Variants in KCNIP4 observed in about 807,000 individuals in gnomAD.
KCNIP4 encodes potassium voltage-gated channel interacting protein 4, also known as Kv channel-interacting protein 4.
In KCNIP4, 12 loss-of-function variants were observed where a neutral mutation model predicts 34.0. The observed-to-expected ratio is 0.35, with a 90% CI of 0.23 to 0.57. The LOEUF is 0.57. Ranked by LOEUF, KCNIP4 falls within the 20% of genes least tolerant of loss-of-function variation. The pLI is 0.83. For synonymous variants in KCNIP4, 124 were observed against 102.2 expected (o/e 1.21, Z -1.29); for missense variants, 238 against 311.7 (o/e 0.76, Z 1.78).
chr4:21,792,059 ACT>A (rs1291935700), intron 1 of KCNIP4, among the ~76,000 whole-genome samples: 1 of 142,326 alleles, frequency 7.0e-6, no homozygotes, highest in Non-Finnish European at 1.5e-5. Context: ...TCATCCCTAC[ACT>A]CTCTCTGTTT....
chr4:21,225,172 A>C (rs1192193363), intron 1 of KCNIP4, among the ~76,000 whole-genome samples: 3 of 152,184 alleles, frequency 2.0e-5, no homozygotes, highest in African/African-American at 7.2e-5. Context: ...ATTGAGGAGC[A>C]TCTGTATTTA....
At chr4:20,753,307 A>T (rs539065320) in intron 4 of KCNIP4, among the ~76,000 whole-genome samples, 2 of 151,732 alleles carry the variant, frequency 1.3e-5, no homozygotes, top group East Asian at 3.9e-4. Flanking sequence ...AGTAGAAAAA[A>T]CCCCTAGGAT....
At chr4:21,396,839 T>C (rs1296675090) in intron 1 of KCNIP4, among the ~76,000 whole-genome samples, 3 of 152,274 alleles carry the variant, frequency 2.0e-5, no homozygotes, top group Non-Finnish European at 4.4e-5. Flanking sequence ...GATTCTCTCT[T>C]AGAGATTCCA....
chr4:20,748,558 TTTTATATATATATATA>T (rs1456920170), intron 5 of KCNIP4, among the ~76,000 whole-genome samples: 6,336 of 118,466 alleles, frequency 0.053, 212 homozygotes, highest in East Asian at 0.11. Context: ...ACCTTCCAAA[TTTTATATATATATATA>T]TATATATATA....
intron 1 of KCNIP4, among the ~76,000 whole-genome samples, chr4:21,830,660 C>A (rs1722929247): frequency 6.6e-6 from 1 of 152,008 alleles, no homozygotes. Context: ...GGTGACAGAG[C>A]AAGACTCAGT....
intron 1 of KCNIP4, among the ~76,000 whole-genome samples, chr4:21,019,227 C>T (rs1421491502): frequency 1.3e-5 from 2 of 151,924 alleles, no homozygotes; most frequent in African/African-American, 4.8e-5. Flanking sequence ...GTGATCTTGG[C>T]TCAATGCAAC....
intron 1 of KCNIP4, among the ~76,000 whole-genome samples, chr4:20,900,208 A>G (rs992019791): frequency 6.6e-6 from 1 of 152,206 alleles, no homozygotes; most frequent in Non-Finnish European, 1.5e-5. Flanking sequence ...TAGGAAACCC[A>G]AGACCACCTA....
intron 1 of KCNIP4, among the ~76,000 whole-genome samples, chr4:21,120,484 G>A (rs2109132749): frequency 6.6e-6 from 1 of 152,318 alleles, no homozygotes; most frequent in South Asian, 2.1e-4. Flanking sequence ...AAGGAAAGAG[G>A]TTTATTTGAC....
intron 1 of KCNIP4, among the ~76,000 whole-genome samples, chr4:20,909,769 A>AT (rs1020832863): frequency 7.9e-5 from 12 of 151,924 alleles, no homozygotes; most frequent in East Asian, 3.9e-4. Flanking sequence ...TGTCTATTTC[A>AT]TTTTTTTTCA....
chr4:21,021,399 T>A (rs777202571), intron 1 of KCNIP4, among the ~76,000 whole-genome samples: 18 of 152,208 alleles, frequency 1.2e-4, no homozygotes, highest in Non-Finnish European at 5.9e-5. Flanking sequence ...TAAAATTTCT[T>A]TGTTCAATAA....
intron 1 of KCNIP4, among the ~76,000 whole-genome samples, chr4:21,488,612 G>A (rs1732112662): frequency 6.6e-6 from 1 of 152,064 alleles, no homozygotes; most frequent in African/African-American, 2.4e-5. Flanking sequence ...TTACATTTAG[G>A]ATATTTAGAT....
At chr4:20,873,920 T>C (rs562628844) in intron 2 of KCNIP4, among the ~76,000 whole-genome samples, 38 of 152,282 alleles carry the variant, frequency 2.5e-4, no homozygotes, top group Non-Finnish European at 4.0e-4. Flanking sequence ...CTCCTTTTTT[T>C]CCCCTCTGAT....
chr4:21,556,935 A>AC (rs1739108008), intron 1 of KCNIP4, among the ~76,000 whole-genome samples: 1 of 149,246 alleles, frequency 6.7e-6, no homozygotes, highest in African/African-American at 2.5e-5. Flanking sequence ...AAAAAAAAAA[A>AC]AAAAAAAACC....
intron 1 of KCNIP4, among the ~76,000 whole-genome samples, chr4:21,140,792 G>A (rs1171699702): frequency 1.3e-5 from 2 of 152,076 alleles, no homozygotes; most frequent in East Asian, 1.9e-4. Context: ...ATTTGCTCAG[G>A]TTGGTTGCCA....
At chr4:21,550,516 T>C (rs2109014810) in intron 1 of KCNIP4, among the ~76,000 whole-genome samples, 1 of 152,166 alleles carries the variant, frequency 6.6e-6, no homozygotes, top group South Asian at 2.1e-4. Context: ...TTGCAATGGG[T>C]CATTTCAGCT....
chr4:21,478,709 TGCACTA>T (rs1731189872), intron 1 of KCNIP4, among the ~76,000 whole-genome samples: 1 of 152,158 alleles, frequency 6.6e-6, no homozygotes, highest in South Asian at 2.1e-4. Flanking sequence ...AGACGGGGAA[TGCACTA>T]ATGATAAGCA....
intron 1 of KCNIP4, among the ~76,000 whole-genome samples, chr4:21,645,478 T>C (rs1354072663): frequency 6.6e-6 from 1 of 152,194 alleles, no homozygotes; most frequent in Non-Finnish European, 1.5e-5. Context: ...CCCTAAGCAA[T>C]GAGTATCTGA....
chr4:21,643,974 C>A (rs1053427133), intron 1 of KCNIP4, among the ~76,000 whole-genome samples: 2 of 151,724 alleles, frequency 1.3e-5, no homozygotes, highest in Admixed American at 6.6e-5. Context: ...TTAATGTATC[C>A]CCAATGCTTT....
chr4:21,319,037 C>A (rs113127211), intron 1 of KCNIP4, among the ~76,000 whole-genome samples: 2 of 152,114 alleles, frequency 1.3e-5, no homozygotes, highest in East Asian at 3.9e-4. Context: ...CCTATCACGA[C>A]AATTTAAAGA....
Sources: allele counts gnomAD v4.1 joint callset (sites outside exome capture counted in the v4.1 genomes callset), GRCh38; gene constraint gnomAD v4.1.1; transcripts MANE v1.5; gene names NCBI Gene and HGNC (gene_info 2026-07-23, HGNC 2026-07-21).